The following NEGR1 variants were observed in gnomAD, a reference collection of about 807,000 sequenced individuals.
The protein encoded by NEGR1 is neuronal growth regulator 1, also known as IgLON family member 4.
In NEGR1, 10 loss-of-function variants were observed where a neutral mutation model predicts 40.9. The ratio of observed to expected loss-of-function variants is 0.24; its 90% CI spans 0.15 to 0.42. The LOEUF (loss-of-function observed/expected upper bound fraction) is 0.42. Ranked by LOEUF, NEGR1 falls within the 10% of genes least tolerant of loss-of-function variation. NEGR1 has a pLI of 1.00. For missense variants in NEGR1, 352 were observed against 438.9 expected (o/e 0.80, Z 1.77); for synonymous variants, 185 against 166.8 (o/e 1.11, Z -0.84).
chr1:72,176,358 T>C (rs1355531982), intron 1 of NEGR1, among the ~76,000 whole-genome samples: 6 of 152,100 alleles, frequency 3.9e-5, no homozygotes, highest in African/African-American at 1.4e-4. Context: ...ACTGTGCTAA[T>C]GTTTTACCAG....
chr1:72,018,228 C>T (rs935786921), intron 1 of NEGR1, among the ~76,000 whole-genome samples: 2 of 152,076 alleles, frequency 1.3e-5, no homozygotes, highest in Non-Finnish European at 2.9e-5. Context: ...TGAAAGACTA[C>T]TATGAGCCAG....
chr1:71,547,769 T>A (rs1647949982), intron 6 of NEGR1, among the ~76,000 whole-genome samples: 1 of 151,758 alleles, frequency 6.6e-6, no homozygotes, highest in Non-Finnish European at 1.5e-5. Context: ...GCTTTTGAGA[T>A]GGCTCCCAAT....
chr1:72,132,910 GTTTTC>G (rs2100317341), intron 1 of NEGR1, among the ~76,000 whole-genome samples: 1 of 152,138 alleles, frequency 6.6e-6, no homozygotes, highest in South Asian at 2.1e-4. Flanking sequence ...CAGTTGTGTT[GTTTTC>G]TTCAAGTTAT....
chr1:71,937,998 T>C (rs1645923650), intron 1 of NEGR1, among the ~76,000 whole-genome samples: 5 of 152,082 alleles, frequency 3.3e-5, no homozygotes, highest in Admixed American at 3.3e-4. Flanking sequence ...GGAATTCAAT[T>C]TCTTCATGAT....
chr1:71,601,917 C>A (rs1382422206), intron 5 of NEGR1, among the ~76,000 whole-genome samples: 4 of 151,882 alleles, frequency 2.6e-5, no homozygotes, highest in African/African-American at 9.7e-5. Flanking sequence ...TGCAATATAC[C>A]CATATAACAG....
At chr1:71,730,066 T>C (rs749315642) in intron 3 of NEGR1, among the ~76,000 whole-genome samples, 1 of 152,062 alleles carries the variant, frequency 6.6e-6, no homozygotes, top group Non-Finnish European at 1.5e-5. Context: ...AAAGATTAAT[T>C]TGGTGACAGA....
intron 6 of NEGR1, among the ~76,000 whole-genome samples, chr1:71,424,163 A>C (rs1646415031): frequency 6.6e-6 from 1 of 152,046 alleles, no homozygotes; most frequent in South Asian, 2.1e-4. Flanking sequence ...TTCCATGATT[A>C]ATCAATTCAA....
chr1:72,164,372 T>C (rs1651696154), intron 1 of NEGR1, among the ~76,000 whole-genome samples: 1 of 151,992 alleles, frequency 6.6e-6, no homozygotes, highest in African/African-American at 2.4e-5. Flanking sequence ...TTGCTATCTG[T>C]TTAGCAAGTC....
intron 1 of NEGR1, among the ~76,000 whole-genome samples, chr1:72,059,198 T>C (rs930895472): frequency 3.3e-5 from 5 of 151,646 alleles, no homozygotes; most frequent in Admixed American, 1.3e-4. Flanking sequence ...TAGTTAAAAC[T>C]TGAGCCTTAT....
chr1:71,481,262 GT>G (rs1646851999), intron 6 of NEGR1, among the ~76,000 whole-genome samples: 1 of 151,422 alleles, frequency 6.6e-6, no homozygotes, highest in Admixed American at 6.6e-5. Context: ...TGCTCAATTG[GT>G]GCTCACCTAT....
chr1:71,798,894 G>A (rs989322985), intron 2 of NEGR1, among the ~76,000 whole-genome samples: 1 of 152,002 alleles, frequency 6.6e-6, no homozygotes, highest in African/African-American at 2.4e-5. Context: ...TCAAAGACTG[G>A]GGTGTAAACA....
intron 1 of NEGR1, among the ~76,000 whole-genome samples, chr1:72,204,457 C>G (rs1231656490): frequency 1.3e-5 from 2 of 152,064 alleles, no homozygotes; most frequent in African/African-American, 4.8e-5. Flanking sequence ...CAATAGTCAT[C>G]GTATCAGTAG....
intron 1 of NEGR1, among the ~76,000 whole-genome samples, chr1:72,145,867 C>T: frequency 6.6e-6 from 1 of 152,002 alleles, no homozygotes; most frequent in East Asian, 1.9e-4. Flanking sequence ...ATTAGGGCTT[C>T]TTTTTACTAA....
chr1:71,679,510 T>C (rs1392058131), intron 4 of NEGR1, among the ~76,000 whole-genome samples: 2 of 152,150 alleles, frequency 1.3e-5, no homozygotes, highest in Non-Finnish European at 2.9e-5. Context: ...TAATTTCTGA[T>C]TGTTACTGGT....
At chr1:71,508,548 G>C (rs752087271) in intron 6 of NEGR1, among the ~76,000 whole-genome samples, 1 of 152,194 alleles carries the variant, frequency 6.6e-6, no homozygotes, top group African/African-American at 2.4e-5. Flanking sequence ...CCAAATGGTA[G>C]CATTCCAAAC....
intron 2 of NEGR1, 146 bp from the exon 3 acceptor site, chr1:71,776,443 T>G (rs1656512746): frequency 2.5e-6 from 1 of 400,440 alleles, no homozygotes; most frequent in African/African-American, 2.1e-5. Flanking sequence ...AGATGGATTC[T>G]CTAGAACCTC....
chr1:71,824,215 T>G (rs1658535834), intron 2 of NEGR1, among the ~76,000 whole-genome samples: 3 of 152,016 alleles, frequency 2.0e-5, no homozygotes, highest in Non-Finnish European at 2.9e-5. Context: ...TAGATATTTG[T>G]TCAGAATAGG....
Position 71,405,422 on chromosome 1 carries a change from T to C in NEGR1, c.*2024A>G, listed in dbSNP as rs914658734. Reference sequence around the variant, plus strand: ...ACTTTAAAGCTGCAATACAAAATAATATTTTATAGTTTATTCAACAATTCC... The same window carrying C: ...ACTTTAAAGCTGCAATACAAAATAACATTTTATAGTTTATTCAACAATTCC... On this transcript the variant is annotated 3_prime_UTR_variant, in exon 7 of 7. Coordinates refer to ENST00000357731, the MANE Select transcript of NEGR1 (RefSeq NM_173808.3). 137 of 152,280 alleles carry C rather than the reference T, an allele frequency of 9.0e-4. 1 individual carries two copies. The highest frequency in any genetic ancestry group is 3.2e-3 in the African/African-American group (134 of 41,438). 9.4% of individuals were successfully genotyped at this position (152,280 alleles called of 1,614,324 possible).
chr1:71,527,137 T>C (rs1282192011), intron 6 of NEGR1, among the ~76,000 whole-genome samples: 1 of 151,558 alleles, frequency 6.6e-6, no homozygotes, highest in African/African-American at 2.4e-5. Context: ...ATAAATCTGT[T>C]TTGTTTTCAT....
Sources: allele counts gnomAD v4.1 joint callset (sites outside exome capture counted in the v4.1 genomes callset), GRCh38; gene constraint gnomAD v4.1.1; transcripts MANE v1.5; gene names NCBI Gene and HGNC (gene_info 2026-07-23, HGNC 2026-07-21).